Variants in CDH13 observed in about 807,000 individuals in gnomAD.
CDH13 encodes the protein cadherin 13.
A neutral mutation model predicts 63.8 loss-of-function variants in CDH13; 24 were observed. The observed-to-expected ratio is 0.38, with a 90% CI of 0.27 to 0.53. CDH13 has a LOEUF of 0.53. CDH13 is among the 20% of genes least tolerant of loss of function. CDH13 has a pLI of 0.85. For missense variants in CDH13, 1,049 were observed against 903.1 expected, an observed-to-expected ratio of 1.16 and a Z score of -2.07; for synonymous variants, 503 against 355.3, an observed-to-expected ratio of 1.42 and a Z score of -4.67.
At chr16:83,274,561 C>T (rs2088924524) in intron 5 of CDH13, among the ~76,000 whole-genome samples, 1 of 152,148 alleles carries the variant, frequency 6.6e-6, no homozygotes, top group South Asian at 2.1e-4. Flanking sequence ...TGTATTCCTT[C>T]AAGAAAGGGA....
At chr16:82,753,864 T>A (rs1488175570) in intron 1 of CDH13, among the ~76,000 whole-genome samples, 1 of 152,172 alleles carries the variant, frequency 6.6e-6, no homozygotes, top group Non-Finnish European at 1.5e-5. Context: ...CCATCTCCCA[T>A]CACCAAGGGC....
At chr16:82,985,610 C>T (rs780060277) in intron 2 of CDH13, among the ~76,000 whole-genome samples, 7 of 152,098 alleles carry the variant, frequency 4.6e-5, no homozygotes, top group South Asian at 2.1e-4. Context: ...TTCCCATATG[C>T]GAGATCTTGG....
At chr16:83,763,190 G>A (rs1914114401) in intron 11 of CDH13, among the ~76,000 whole-genome samples, 1 of 152,160 alleles carries the variant, frequency 6.6e-6, no homozygotes, top group African/African-American at 2.4e-5. Context: ...GAGCCTGCCA[G>A]TGAAAAATGT....
In CDH13 at chr16:82,835,364, T is replaced by C. The variant is rs953728355; in HGVS notation, c.46-22998T>C. Among the ~76,000 whole-genome samples the C allele has an allele frequency of 4.6e-5, 7 of 152,194 alleles. 1 individual carries two copies. Among genetic ancestry groups the C allele is most frequent in the African/African-American group, 1.7e-4 (7 of 41,430 alleles). On this transcript the variant is annotated intron_variant, in intron 1 of 13. Coordinates refer to ENST00000567109, the MANE Select transcript of CDH13 (RefSeq NM_001257.5). ...GCTCCGTATAAATCTTGGTCTCTTCTTCCTTTTTAAGGTCACATAGCACCT... is the reference window on the plus strand; with the variant it reads ...GCTCCGTATAAATCTTGGTCTCTTCCTCCTTTTTAAGGTCACATAGCACCT...
chr16:83,261,200 C>T (rs116026279), intron 5 of CDH13, among the ~76,000 whole-genome samples: 49 of 152,100 alleles, frequency 3.2e-4, no homozygotes, highest in African/African-American at 1.2e-3. Flanking sequence ...GCGGAGTGGG[C>T]AGATACAGCC....
At chr16:82,734,039 G>A (rs1305460010) in intron 1 of CDH13, among the ~76,000 whole-genome samples, 1 of 139,860 alleles carries the variant, frequency 7.2e-6, no homozygotes, top group African/African-American at 2.7e-5. Context: ...AAGGTGGGAA[G>A]AGAACTAATA....
At chr16:83,030,959 G>C (rs930013589) in intron 2 of CDH13, among the ~76,000 whole-genome samples, 2 of 151,796 alleles carry the variant, frequency 1.3e-5, no homozygotes, top group African/African-American at 4.8e-5. Flanking sequence ...GAGCATGAAA[G>C]AAATATAGTT....
chr16:83,405,256 A>C (rs7500449), intron 6 of CDH13, among the ~76,000 whole-genome samples: 1 of 152,232 alleles, frequency 6.6e-6, no homozygotes, highest in Admixed American at 6.5e-5. Flanking sequence ...AAAAAAGCTT[A>C]TCCCCCATCC....
chr16:83,266,111 G>A (rs960127313), intron 5 of CDH13, among the ~76,000 whole-genome samples: 6 of 151,838 alleles, frequency 4.0e-5, no homozygotes, highest in African/African-American at 1.2e-4. Flanking sequence ...TAATTTTTGT[G>A]TTTTTAGTAG....
chr16:83,794,896 C>A (rs1249097625), intron 13 of CDH13, 127 bp from the exon 14 acceptor site: 9 of 841,214 alleles, frequency 1.1e-5, no homozygotes, highest in African/African-American at 1.7e-5. Flanking sequence ...AAAAAAATTC[C>A]CCCATAGTCG....
At chr16:83,166,118 G>A (rs7193443) in intron 4 of CDH13, among the ~76,000 whole-genome samples, 33,188 of 151,990 alleles carry the variant, frequency 0.22, 4,869 homozygotes, top group African/African-American at 0.4. Flanking sequence ...GCAGTTGGTG[G>A]CCAGGTTTTA....
At chr16:82,893,215 G>T (rs1013339735) in intron 2 of CDH13, among the ~76,000 whole-genome samples, 1 of 152,232 alleles carries the variant, frequency 6.6e-6, no homozygotes, top group African/African-American at 2.4e-5. Flanking sequence ...AAAAGTCTCA[G>T]TTTTTAATAC....
At chr16:83,646,736 C>CAG (rs1911855197) in intron 8 of CDH13, among the ~76,000 whole-genome samples, 1 of 147,222 alleles carries the variant, frequency 6.8e-6, no homozygotes, top group South Asian at 2.2e-4. Flanking sequence ...CACACACACA[C>CAG]ACAGTTGTGT....
At chr16:83,473,012 A>C (rs2073498593) in intron 6 of CDH13, among the ~76,000 whole-genome samples, 1 of 152,192 alleles carries the variant, frequency 6.6e-6, no homozygotes, top group South Asian at 2.1e-4. Context: ...CCATGGGGGC[A>C]CAGGTGGCCT....
chr16:83,344,210 G>A (rs777602932), intron 5 of CDH13, among the ~76,000 whole-genome samples: 5 of 152,178 alleles, frequency 3.3e-5, no homozygotes, highest in African/African-American at 7.2e-5. Flanking sequence ...ATAATTCTTC[G>A]TTTCCAAGAC....
At chr16:83,556,925 TG>T (rs1316916191) in intron 7 of CDH13, among the ~76,000 whole-genome samples, 2 of 152,202 alleles carry the variant, frequency 1.3e-5, no homozygotes, top group African/African-American at 4.8e-5. Context: ...CAGATTCTCA[TG>T]ACAGCAATGA....
chr16:83,245,929 G>T (rs186881229), intron 5 of CDH13, among the ~76,000 whole-genome samples: 63 of 152,176 alleles, frequency 4.1e-4, no homozygotes, highest in Middle Eastern at 3.4e-3. Flanking sequence ...TAGAGACTAG[G>T]TCTTTCCATA....
intron 6 of CDH13, among the ~76,000 whole-genome samples, chr16:83,447,367 A>G (rs1041419879): frequency 2.0e-5 from 3 of 151,978 alleles, no homozygotes; most frequent in Non-Finnish European, 4.4e-5. Flanking sequence ...GCGAGCTGAG[A>G]TCACGCCACT....
At chr16:83,773,510 G>A (rs561129312) in intron 11 of CDH13, among the ~76,000 whole-genome samples, 22 of 152,072 alleles carry the variant, frequency 1.4e-4, no homozygotes, top group African/African-American at 2.2e-4. Context: ...AAAACCATCC[G>A]ATCTCATGAG....
Sources: gnomAD v4.1 joint callset for allele counts (sites outside exome capture counted in the v4.1 genomes callset) on GRCh38, gnomAD v4.1.1 for gene constraint, MANE v1.5 for transcripts, NCBI Gene and HGNC (gene_info 2026-07-23, HGNC 2026-07-21) for gene names.